The following TCEA1 variants were observed in gnomAD, a reference collection of about 807,000 sequenced individuals.
The protein encoded by TCEA1 is transcription elongation factor A protein 1.
Under a neutral mutation model 43.8 loss-of-function variants are expected in TCEA1, and 21 were observed. That is an observed-to-expected ratio of 0.48 (90% confidence interval 0.34 to 0.69). The LOEUF is 0.69. TCEA1 is among the 30% of genes least tolerant of loss of function. The pLI, the probability that TCEA1 is intolerant of heterozygous loss-of-function variation, is 0.01. For missense variants in TCEA1, 250 were observed against 365.1 expected (o/e 0.68, Z 2.57); for synonymous variants, 104 against 117.5 (o/e 0.88, Z 0.75).
At chr8:54,018,854 C>T (rs1451160624) in intron 1 of TCEA1, among the ~76,000 whole-genome samples, 1 of 152,138 alleles carries the variant, frequency 6.6e-6, no homozygotes, top group Non-Finnish European at 1.5e-5. Context: ...TAATTGTATC[C>T]ATGCATGGTT....
intron 2 of TCEA1, among the ~76,000 whole-genome samples, chr8:54,004,800 A>G (rs1804387632): frequency 9.9e-6 from 1 of 101,014 alleles, no homozygotes; most frequent in African/African-American, 3.3e-5. Context: ...AAAAAGAAAC[A>G]TACAGCTACG....
intron 3 of TCEA1, among the ~76,000 whole-genome samples, chr8:53,996,918 T>TTTTTTTTTTTTTTTTTTC (rs1471902060): frequency 6.7e-6 from 1 of 149,012 alleles, no homozygotes. Context: ...TTTTTTTTTT[T>TTTTTTTTTTTTTTTTTTC]AGACAGACTC....
intron 2 of TCEA1, among the ~76,000 whole-genome samples, chr8:54,002,393 C>T (rs58929175): frequency 0.2 from 29,878 of 150,956 alleles, 4,262 homozygotes; most frequent in East Asian, 0.74. Context: ...TGCTTGAACC[C>T]GGGAGGTAGA....
chr8:53,994,043 G>T (rs1195688526), intron 3 of TCEA1, among the ~76,000 whole-genome samples: 1 of 152,214 alleles, frequency 6.6e-6, no homozygotes, highest in African/African-American at 2.4e-5. Context: ...GGAAATATCT[G>T]CACTGTTACT....
intron 8 of TCEA1, among the ~76,000 whole-genome samples, chr8:53,975,455 G>A (rs1192760082): frequency 6.6e-6 from 1 of 152,098 alleles, no homozygotes; most frequent in East Asian, 1.9e-4. Context: ...GTTCACAGTA[G>A]CATTATTCAC....
chr8:53,996,622 A>G (rs963746301), intron 3 of TCEA1, among the ~76,000 whole-genome samples: 4 of 152,212 alleles, frequency 2.6e-5, no homozygotes, highest in African/African-American at 9.7e-5. Context: ...TAAAAACAAG[A>G]AATCTAACAA....
chr8:54,004,219 G>A (rs1431986269), intron 2 of TCEA1, among the ~76,000 whole-genome samples: 2 of 152,154 alleles, frequency 1.3e-5, no homozygotes, highest in South Asian at 4.1e-4. Flanking sequence ...GGAGAAAAGA[G>A]TCTGGCAGGT....
chr8:54,005,735 A>C (rs781463984), intron 2 of TCEA1, among the ~76,000 whole-genome samples: 45 of 151,666 alleles, frequency 3.0e-4, no homozygotes, highest in Non-Finnish European at 5.2e-4. Flanking sequence ...AGCCCTCATC[A>C]CTCCTCACCT....
At chr8:53,979,307 T>G in intron 7 of TCEA1, 136 bp from the exon 8 acceptor site, 4 of 1,016,208 alleles carry the variant, frequency 3.9e-6, no homozygotes, top group Non-Finnish European at 5.4e-6. Context: ...AAATTAATAT[T>G]TTTCCTCAAA....
At chr8:53,988,392 T>A in intron 4 of TCEA1, 133 bp from the exon 5 acceptor site, 1 of 1,099,360 alleles carries the variant, frequency 9.1e-7, no homozygotes, top group Non-Finnish European at 1.2e-6. Context: ...CTTTATGTGA[T>A]GGAAAAAAAA....
chr8:53,996,903 C>CTTTTTTT lies in TCEA1; in HGVS notation c.232+3035_232+3041dup, dbSNP rs754537318. ...AGCTAAGGGGTAAAAAGAAGGTTGT[C>CTTTTTTT]TTTTTTTTTTTTTTTAGACAGACTC... On this transcript the variant is annotated intron_variant, in intron 3 of 9. Coordinates refer to ENST00000521604, the MANE Select transcript of TCEA1 (RefSeq NM_006756.4). Among the ~76,000 whole-genome samples the CTTTTTTT allele has an allele frequency of 2.2e-3, 253 of 116,588 alleles. 22 individuals are homozygous for CTTTTTTT. Among genetic ancestry groups the CTTTTTTT allele is most frequent in the African/African-American group, 8.2e-3 (219 of 26,724 alleles). 76.5% of individuals were successfully genotyped at this position (116,588 alleles called of 152,430 possible). A position where few individuals can be genotyped will look rare whatever the true frequency, so the allele number is the denominator to read the frequency against.
intron 1 of TCEA1, among the ~76,000 whole-genome samples, chr8:54,011,165 G>A (rs935991180): frequency 9.2e-5 from 14 of 152,072 alleles, no homozygotes; most frequent in Admixed American, 2.6e-4. Flanking sequence ...TTTTTACCAC[G>A]TCACCTTTTA....
intron 2 of TCEA1, among the ~76,000 whole-genome samples, chr8:54,007,717 C>T (rs745848587): frequency 6.6e-6 from 1 of 152,138 alleles, no homozygotes; most frequent in African/African-American, 2.4e-5. Context: ...ATCATGTTCA[C>T]ACACCCCCAC....
intron 3 of TCEA1, among the ~76,000 whole-genome samples, chr8:53,996,957 T>A (rs1586016986): frequency 7.2e-6 from 1 of 139,700 alleles, no homozygotes. Context: ...TGGAGTTCAG[T>A]GGCGCGATCT....
intron 9 of TCEA1, among the ~76,000 whole-genome samples, chr8:53,968,385 AAT>A (rs1425069637): frequency 4.0e-5 from 6 of 150,904 alleles, no homozygotes; most frequent in East Asian, 1.9e-4. Context: ...AAAAAAAAAA[AAT>A]AACAATTCCA....
At chr8:53,972,294 G>T in intron 8 of TCEA1, 1 of 439,636 alleles carries the variant, frequency 2.3e-6, no homozygotes, top group Admixed American at 2.8e-5. Context: ...CAATGGAAGT[G>T]ATGATGAAAA....
At chr8:53,987,135 TA>T in intron 5 of TCEA1, 110 bp from the exon 6 acceptor site, 1 of 899,408 alleles carries the variant, frequency 1.1e-6, no homozygotes, top group South Asian at 1.5e-5. Context: ...TTGCCTGACA[TA>T]AAGAAACCGT....
At chr8:53,997,109 C>T (rs1161290723) in intron 3 of TCEA1, among the ~76,000 whole-genome samples, 6 of 151,818 alleles carry the variant, frequency 4.0e-5, no homozygotes, top group South Asian at 2.1e-4. Context: ...GGGGTTTCAC[C>T]GTGTTAGCCA....
At chr8:54,019,398 C>G (rs2129315545) in intron 1 of TCEA1, among the ~76,000 whole-genome samples, 1 of 151,882 alleles carries the variant, frequency 6.6e-6, no homozygotes, top group Admixed American at 6.6e-5. Flanking sequence ...GTTGAAATCC[C>G]ATCTCTACTA....
Sources: gnomAD v4.1 joint callset for allele counts (sites outside exome capture counted in the v4.1 genomes callset) on GRCh38, gnomAD v4.1.1 for gene constraint, MANE v1.5 for transcripts, NCBI Gene and HGNC (gene_info 2026-07-23, HGNC 2026-07-21) for gene names.